MTR: variants seen among roughly 807,000 people sequenced by gnomAD.
MTR encodes the protein methionine synthase.
A neutral mutation model predicts 154.8 loss-of-function variants in MTR; 84 were observed. The observed-to-expected ratio is 0.54, with a 90% CI of 0.45 to 0.65. MTR has a LOEUF of 0.65. Among genes scored for constraint, MTR ranks in the 30% least tolerant of loss-of-function variants. MTR has a pLI of 0.00. For synonymous variants in MTR, 554 were observed against 553.9 expected, an observed-to-expected ratio of 1.00 and a Z score of 0.00; for missense variants, 1,275 against 1,570.2, an observed-to-expected ratio of 0.81 and a Z score of 3.18.
rs948369767 is a variant in MTR, at chr1:236,795,562, G to A, written c.-142G>A. On this transcript the variant is annotated 5_prime_UTR_variant, in exon 1 of 33. Transcript: ENST00000366577. ...GGGGTCCGCAGTCCCCCCGCGACGC[G>A]AGCCAACGGGAGGCGTCAAAAGACC... The A allele has an allele frequency of 1.3e-6, 2 of 1,554,886 alleles. No individual in the cohort carries two copies. The highest frequency in any genetic ancestry group is 2.7e-5 in the African/African-American group (2 of 73,588).
chr1:236,833,116 C>A (rs1271494233), intron 13 of MTR, among the ~76,000 whole-genome samples: 1 of 152,342 alleles, frequency 6.6e-6, no homozygotes, highest in South Asian at 2.1e-4. Context: ...CCATCCTGAT[C>A]TGTCATCTGA....
At chr1:236,801,963 TC>T (rs1189315223) in intron 1 of MTR, among the ~76,000 whole-genome samples, 1 of 152,200 alleles carries the variant, frequency 6.6e-6, no homozygotes, top group Non-Finnish European at 1.5e-5. Context: ...ACAAGGCACT[TC>T]CATAGATGTA....
At position 236,902,019 on chromosome 1, in the gene MTR, AG is replaced by A. The variant is rs1666937732; in HGVS notation, c.*4377del. On this transcript the variant is annotated 3_prime_UTR_variant, in exon 33 of 33. Transcript: ENST00000366577. ...TCTCCTCTGGATTCATCTGCAACAC[AG>A]GCTGCCGGGTTGGTTCCCACCTCCT... is the stretch of plus-strand genomic sequence containing the variant. The A allele has an allele frequency of 1.3e-5, 2 of 152,238 alleles. No individual in the cohort carries two copies. Among genetic ancestry groups the A allele is most frequent in the African/African-American group, 4.8e-5 (2 of 41,412 alleles). The allele number at this position is 152,238 out of a possible 1,614,324, so 9.4% of individuals were successfully genotyped here.
chr1:236,887,805 A>G (rs1666104048), intron 27 of MTR, among the ~76,000 whole-genome samples: 1 of 152,242 alleles, frequency 6.6e-6, no homozygotes, highest in Non-Finnish European at 1.5e-5. Context: ...GTTTTCTTTT[A>G]CGGCCCTGAT....
chr1:236,827,116 T>C (rs1205187032), intron 11 of MTR, among the ~76,000 whole-genome samples: 2 of 152,176 alleles, frequency 1.3e-5, no homozygotes, highest in African/African-American at 2.4e-5. Context: ...TCCAACATGA[T>C]TGGTGTCCTT....
intron 10 of MTR, 132 bp downstream of exon 10, chr1:236,825,531 C>A: frequency 3.2e-6 from 3 of 942,836 alleles, no homozygotes; most frequent in East Asian, 2.5e-5. Context: ...TTTAGCTATC[C>A]CAAATTAAGG....
intron 1 of MTR, among the ~76,000 whole-genome samples, chr1:236,799,448 A>G (rs533406432): frequency 7.2e-5 from 11 of 152,260 alleles, no homozygotes; most frequent in African/African-American, 2.2e-4. Flanking sequence ...TAAGGGCCTC[A>G]GTTGCATAGG....
rs1666527940 is a variant in MTR, at chr1:236,894,723, G to T, written c.3405+166G>T. On this transcript the variant is annotated intron_variant, in intron 30 of 32. Coordinates refer to ENST00000366577, the MANE Select transcript of MTR (RefSeq NM_000254.3). ...AACATTATACGTATTTTAATATTATGTATCCCCAGATTGCTTGTGTACATT... is the reference window on the plus strand; with the variant it reads ...AACATTATACGTATTTTAATATTATTTATCCCCAGATTGCTTGTGTACATT... 5 of 664,638 alleles carry T rather than the reference G, an allele frequency of 7.5e-6. No individual in the cohort carries two copies. In the South Asian group the frequency reaches 9.9e-5, roughly 13 times the overall value. 41.2% of individuals were successfully genotyped at this position (664,638 alleles called of 1,614,324 possible). A position where few individuals can be genotyped will look rare whatever the true frequency, so the allele number is the denominator to read the frequency against.
intron 15 of MTR, among the ~76,000 whole-genome samples, chr1:236,843,673 G>C (rs2385509): frequency 0.35 from 53,708 of 152,052 alleles, 10,240 homozygotes; most frequent in East Asian, 0.43. Flanking sequence ...GATGTTAAAA[G>C]TCATCTGTTT....
chr1:236,797,555 A>C (rs1455414638), intron 1 of MTR, among the ~76,000 whole-genome samples: 4 of 152,190 alleles, frequency 2.6e-5, no homozygotes, highest in African/African-American at 9.7e-5. Context: ...TGATTAATGA[A>C]GGAATGAATA....
intron 14 of MTR, 145 bp downstream of exon 14, chr1:236,835,832 C>T (rs879236158): frequency 8.9e-7 from 1 of 1,117,322 alleles, no homozygotes; most frequent in East Asian, 2.4e-5. Context: ...TTCTGATTGT[C>T]AGCTTTCTCA....
At chr1:236,882,215 G>C (rs988634154) in intron 25 of MTR, among the ~76,000 whole-genome samples, 1 of 152,056 alleles carries the variant, frequency 6.6e-6, no homozygotes, top group East Asian at 1.9e-4. Context: ...TGAGTGCTGT[G>C]GGCCTCTTTT....
At chr1:236,886,130 C>T (rs1208581617) in intron 26 of MTR, among the ~76,000 whole-genome samples, 162 bp from the exon 27 acceptor site, 1 of 152,158 alleles carries the variant, frequency 6.6e-6, no homozygotes, top group Non-Finnish European at 1.5e-5. Flanking sequence ...CAATGTGAAA[C>T]CGACTGGGTA....
chr1:236,884,785 CA>C (rs557883071), intron 25 of MTR, among the ~76,000 whole-genome samples: 1,577 of 152,200 alleles, frequency 0.01, 17 homozygotes, highest in Non-Finnish European at 0.017. Flanking sequence ...GAAGGTCCCC[CA>C]CCATAAATCA....
At chr1:236,860,061 CCCCAGCTG>C in intron 19 of MTR, 139 bp downstream of exon 19, 1 of 366,000 alleles carries the variant, frequency 2.7e-6, no homozygotes, top group South Asian at 2.0e-5. Context: ...TCTTGCTGTC[CCCCAGCTG>C]CCCCCCCCCC....
intron 12 of MTR, among the ~76,000 whole-genome samples, chr1:236,831,138 C>T (rs1243142513): frequency 2.0e-5 from 3 of 152,158 alleles, no homozygotes; most frequent in Admixed American, 1.3e-4. Flanking sequence ...AACCCAAGGC[C>T]GTCTGTACCC....
At chr1:236,895,852 G>C (rs1425736881) in intron 31 of MTR, among the ~76,000 whole-genome samples, 6 of 152,168 alleles carry the variant, frequency 3.9e-5, no homozygotes, top group African/African-American at 1.2e-4. Flanking sequence ...CCTGTCACAG[G>C]CATGGTGATG....
At chr1:236,834,952 T>G (rs1333165570) in intron 13 of MTR, among the ~76,000 whole-genome samples, 1 of 152,206 alleles carries the variant, frequency 6.6e-6, no homozygotes, top group Non-Finnish European at 1.5e-5. Flanking sequence ...CTGCTGAAAT[T>G]TATTTAAGTC....
At chr1:236,837,391 C>T (rs1309641236) in intron 14 of MTR, among the ~76,000 whole-genome samples, 1 of 152,200 alleles carries the variant, frequency 6.6e-6, no homozygotes, top group African/African-American at 2.4e-5. Flanking sequence ...GCCCCATTCT[C>T]CATGCTTCAT....
Sources: allele counts gnomAD v4.1 joint callset (sites outside exome capture counted in the v4.1 genomes callset), GRCh38; gene constraint gnomAD v4.1.1; transcripts MANE v1.5; gene names NCBI Gene and HGNC (gene_info 2026-07-23, HGNC 2026-07-21).